Variants in TUBGCP4 observed in about 807,000 individuals in gnomAD.
TUBGCP4 encodes tubulin gamma complex component 4.
A neutral mutation model predicts 91.6 loss-of-function variants in TUBGCP4; 54 were observed. The observed-to-expected ratio is 0.59, with a 90% CI of 0.47 to 0.74. TUBGCP4 has a LOEUF of 0.74. Among genes scored for constraint, TUBGCP4 ranks in the 30% least tolerant of loss-of-function variants. TUBGCP4 has a pLI of 0.00. For missense variants in TUBGCP4, 593 were observed against 800.9 expected (o/e 0.74, Z 3.13); for synonymous variants, 297 against 302.8 (o/e 0.98, Z 0.20).
At position 43,409,045 on chromosome 15, in the gene TUBGCP4, G is replaced by A. The variant is rs769912966; in HGVS notation, c.*3831G>A. On this transcript the variant is annotated 3_prime_UTR_variant, in exon 18 of 18. Transcript: ENST00000564079. ...CTGGCAAGGCACAGGAAGTACTTCC[G>A]GGTTCGACAATGCTGATCCGCAATT... 2.5e-6 allele frequency: 4 copies of A among 1,614,050 alleles called. No individual in the cohort carries two copies. Among genetic ancestry groups the A allele is most frequent in the Admixed American group, 1.7e-5 (1 of 60,006 alleles).
Position 43,407,633 on chromosome 15 carries a change from A to G in TUBGCP4, c.*2419A>G. The stretch of plus-strand genomic sequence containing the variant: ...CTCAACTTAGCCCTCCATTAGAAAG[A>G]GAGATTTGATTCTAACCAATACATC... On this transcript the variant is annotated 3_prime_UTR_variant, in exon 18 of 18. Coordinates refer to ENST00000564079, the MANE Select transcript of TUBGCP4 (RefSeq NM_014444.5). The G allele has an allele frequency of 6.7e-7, 1 of 1,491,740 alleles. No individual in the cohort carries two copies. The highest frequency in any genetic ancestry group is 9.1e-7 in the Non-Finnish European group (1 of 1,100,334). The allele number at this position is 1,491,740 out of a possible 1,614,324, so 92.4% of individuals were successfully genotyped here. A position where few individuals can be genotyped will look rare whatever the true frequency, so the allele number is the denominator to read the frequency against.
chr15:43,371,982 C>T (rs532224340), intron 1 of TUBGCP4, among the ~76,000 whole-genome samples: 1 of 152,092 alleles, frequency 6.6e-6, no homozygotes, highest in Admixed American at 6.5e-5. Flanking sequence ...CTTATTTAAT[C>T]CTCACAACCA....
At chr15:43,403,888 A>T in intron 16 of TUBGCP4, 89 bp downstream of exon 16, 1 of 912,454 alleles carries the variant, frequency 1.1e-6, no homozygotes. Context: ...CTGAGTCAGT[A>T]AAGCATTTCC....
intron 6 of TUBGCP4, among the ~76,000 whole-genome samples, chr15:43,381,134 C>T (rs2044280010): frequency 6.6e-6 from 1 of 152,134 alleles, no homozygotes; most frequent in Non-Finnish European, 1.5e-5. Context: ...TCCACTCTAA[C>T]CACTGCATGA....
rs1273152199 is a variant in TUBGCP4, at chr15:43,407,082, TCTTAA to T, written c.*1872_*1876del. 2 of 304,130 alleles carry T rather than the reference TCTTAA, an allele frequency of 6.6e-6. No homozygotes were observed. Among genetic ancestry groups the T allele is most frequent in the Non-Finnish European group, 1.2e-5 (2 of 161,172 alleles). 18.8% of individuals were successfully genotyped at this position (304,130 alleles called of 1,614,324 possible). On this transcript the variant is annotated 3_prime_UTR_variant, in exon 18 of 18. Transcript: ENST00000564079. ...AATGATGCCACAGAATAAAGTTCAC[TCTTAA>T]CTTTTCAATTTCCTTGGCCAGCTGT...
intron 9 of TUBGCP4, among the ~76,000 whole-genome samples, chr15:43,390,731 A>C (rs1438271478): frequency 6.6e-6 from 1 of 151,280 alleles, no homozygotes; most frequent in Non-Finnish European, 1.5e-5. Flanking sequence ...CTGGTCTCGA[A>C]CTCCTGACCT....
chr15:43,397,186 C>A, intron 11 of TUBGCP4, 28 bp from the exon 12 acceptor site: 1 of 1,576,284 alleles, frequency 6.3e-7, no homozygotes, highest in Non-Finnish European at 8.7e-7. Context: ...CCAAGCGTCC[C>A]TGTCAGCCTG....
chr15:43,385,150 C>G (rs2044335875), intron 7 of TUBGCP4, among the ~76,000 whole-genome samples: 1 of 152,144 alleles, frequency 6.6e-6, no homozygotes, highest in Admixed American at 6.5e-5. Flanking sequence ...GTTCAGTGGG[C>G]TGAGCCTGGG....
intron 7 of TUBGCP4, 31 bp from the exon 8 acceptor site, chr15:43,385,760 G>A (rs747174462): frequency 6.2e-7 from 1 of 1,610,708 alleles, no homozygotes; most frequent in South Asian, 1.1e-5. Context: ...GCTTCACACT[G>A]CATCTCGATG....
At chr15:43,400,640 G>T (rs543819621) in intron 14 of TUBGCP4, among the ~76,000 whole-genome samples, 7 of 152,180 alleles carry the variant, frequency 4.6e-5, no homozygotes, top group African/African-American at 1.7e-4. Context: ...CTTCAGCGAG[G>T]TGTCATGGGT....
Position 43,401,724 on chromosome 15 carries a change from G to C in TUBGCP4, c.1605G>C (p.Val535=). ...DNLQYYLQVD[V]LESQFSQLLH... is the part of the protein sequence containing the mutation. ...TTTGTAATGTCTATCAGGTAGATGT[G>C]TTGGAGTCTCAGTTCTCCCAGCTGC... Residue 535 remains valine, a synonymous_variant, in exon 15 of 18, where the codon GTG becomes GTC. Coordinates refer to ENST00000564079, the MANE Select transcript of TUBGCP4 (RefSeq NM_014444.5). The C allele has an allele frequency of 6.2e-7, 1 of 1,614,162 alleles. No homozygotes were observed. The highest frequency in any genetic ancestry group is 8.5e-7 in the Non-Finnish European group (1 of 1,180,012).
intron 1 of TUBGCP4, among the ~76,000 whole-genome samples, chr15:43,373,995 T>C (rs1326067757): frequency 6.6e-6 from 1 of 152,170 alleles, no homozygotes; most frequent in Non-Finnish European, 1.5e-5. Context: ...CCTCTTAAGT[T>C]ACTAACTTGA....
In TUBGCP4 at chr15:43,386,377, A is replaced by ATTTTTT. The variant is rs748820688; in HGVS notation, c.1014+65_1014+70dup. 1.9e-3 allele frequency: 36 copies of ATTTTTT among 19,114 alleles called. 1 individual carries two copies. The highest frequency in any genetic ancestry group is 3.3e-3 in the African/African-American group (11 of 3,382). 1.2% of individuals were successfully genotyped at this position (19,114 alleles called of 1,614,324 possible). A position where few individuals can be genotyped will look rare whatever the true frequency, so the allele number is the denominator to read the frequency against. ...TATATATATATATATATATATATATATTTTTTTTTTTTTTTTTTTTTTTCT... is the reference window on the plus strand; with the variant it reads ...TATATATATATATATATATATATATATTTTTTTTTTTTTTTTTTTTTTTTTTTTTCT... On this transcript the variant is annotated intron_variant, in intron 9 of 17. Coordinates refer to ENST00000564079, the MANE Select transcript of TUBGCP4 (RefSeq NM_014444.5).
chr15:43,401,942 A>G, intron 15 of TUBGCP4, 92 bp downstream of exon 15: 1 of 1,490,270 alleles, frequency 6.7e-7, no homozygotes, highest in Non-Finnish European at 9.1e-7. Flanking sequence ...ACCATCATTA[A>G]GCAATTATTC....
Position 43,406,697 on chromosome 15 carries a change from CAAT to C in TUBGCP4, c.*1500_*1502del, listed in dbSNP as rs201419832. 746 of 427,274 alleles carry C rather than the reference CAAT, an allele frequency of 1.7e-3. No individual in the cohort carries two copies. Among genetic ancestry groups the C allele is most frequent in the South Asian group, 2.9e-3 (173 of 58,728 alleles). 26.5% of individuals were successfully genotyped at this position (427,274 alleles called of 1,614,324 possible). A position where few individuals can be genotyped will look rare whatever the true frequency, so the allele number is the denominator to read the frequency against. On this transcript the variant is annotated 3_prime_UTR_variant, in exon 18 of 18. Transcript: ENST00000564079. ...AAGGAACTGCTTCCAGCTATTGTGACAATAATAATAATAATAATATTGGGTCTT... is the reference window on the plus strand; with the variant it reads ...AAGGAACTGCTTCCAGCTATTGTGACAATAATAATAATAATATTGGGTCTT...
At chr15:43,403,984 C>T (rs1306071057) in intron 16 of TUBGCP4, 185 bp downstream of exon 16, 3 of 592,684 alleles carry the variant, frequency 5.1e-6, no homozygotes, top group Non-Finnish European at 9.0e-6. Flanking sequence ...TGTGCCACCT[C>T]ACAGTGCTCA....
rs115121698 is a variant in TUBGCP4 at position 43,389,067 on chromosome 15, C to A, written c.1014+2737C>A. On this transcript the variant is annotated intron_variant, in intron 9 of 17. Coordinates refer to ENST00000564079, the MANE Select transcript of TUBGCP4 (RefSeq NM_014444.5). ...TCTAGGGTGCTGGCAACACTCAGTT[C>A]GTTCCATTTCTTGATCTGGGTGCTG... Among the ~76,000 whole-genome samples the A allele has an allele frequency of 9.9e-3, 1,500 of 152,244 alleles. 27 individuals are homozygous for A. The highest frequency in any genetic ancestry group is 0.034 in the African/African-American group (1,426 of 41,554).
chr15:43,409,737 A>C lies in TUBGCP4; in HGVS notation c.*4523A>C. 6.6e-7 allele frequency: 1 copy of C among 1,510,104 alleles called. No homozygotes were observed. Among genetic ancestry groups the C allele is most frequent in the Non-Finnish European group, 8.9e-7 (1 of 1,117,638 alleles). The allele number at this position is 1,510,104 out of a possible 1,614,324, so 93.5% of individuals were successfully genotyped here. A position where few individuals can be genotyped will look rare whatever the true frequency, so the allele number is the denominator to read the frequency against. On this transcript the variant is annotated 3_prime_UTR_variant, in exon 18 of 18. Transcript: ENST00000564079. Reference sequence around the variant, plus strand: ...GCTTGTTGAAAGGAGGAATTTCCAAAAATTCTATATTAAAAAAAAAAACCA... The same window carrying C: ...GCTTGTTGAAAGGAGGAATTTCCAACAATTCTATATTAAAAAAAAAAACCA...
chr15:43,382,558 C>T (rs986311292), intron 6 of TUBGCP4, among the ~76,000 whole-genome samples: 1 of 152,114 alleles, frequency 6.6e-6, no homozygotes, highest in Admixed American at 6.5e-5. Context: ...TTATTGTTTC[C>T]CTATGATTAG....
Sources: allele counts gnomAD v4.1 joint callset (sites outside exome capture counted in the v4.1 genomes callset), GRCh38; gene constraint gnomAD v4.1.1; transcripts MANE v1.5; gene names NCBI Gene and HGNC (gene_info 2026-07-23, HGNC 2026-07-21).